Variants in PHAX observed in about 807,000 individuals in gnomAD.
PHAX encodes phosphorylated adapter RNA export protein.
In PHAX, 31 loss-of-function variants were observed where a neutral mutation model predicts 41.6. The ratio of observed to expected loss-of-function variants is 0.75; its 90% confidence interval spans 0.56 to 1.01. The LOEUF (loss-of-function observed/expected upper bound fraction) is 1.01. PHAX is among the 50% of genes least tolerant of loss of function. The pLI is 0.00. For missense variants in PHAX, 453 were observed against 472.9 expected, an observed-to-expected ratio of 0.96 and a Z score of 0.39; for synonymous variants, 175 against 164.9, an observed-to-expected ratio of 1.06 and a Z score of -0.47.
chr5:126,624,658 G>A lies in PHAX; in HGVS notation c.999G>A (p.Lys333=), dbSNP rs560446986. 321 of 1,613,968 alleles carry A rather than the reference G, an allele frequency of 2.0e-4. 2 individuals carry two copies. In the South Asian group the frequency reaches 2.9e-3, roughly 15 times the overall value. The change falls in exon 5 of 5, where the codon AAG becomes AAA. Residue 333 remains lysine, a synonymous_variant. Transcript: ENST00000297540. The part of the protein sequence containing the change: ...RKRRTQVLGK[K]MKQAIKSLNF... ...GGAGAACACAAGTGTTGGGGAAAAA[G>A]ATGAAACAAGCTATTAAAAGTCTAA...
chr5:126,611,559 G>T (rs1453172798), intron 3 of PHAX, among the ~76,000 whole-genome samples: 2 of 152,214 alleles, frequency 1.3e-5, no homozygotes, highest in Middle Eastern at 3.4e-3. Flanking sequence ...GCCAAGGAGG[G>T]TAGATTGCTT....
At chr5:126,605,531 A>G (rs1346674181) in intron 2 of PHAX, among the ~76,000 whole-genome samples, 1 of 151,470 alleles carries the variant, frequency 6.6e-6, no homozygotes, top group Non-Finnish European at 1.5e-5. Flanking sequence ...CTGGGACTAT[A>G]GGCATTCGCC....
At chr5:126,602,776 G>A (rs914102384) in intron 1 of PHAX, among the ~76,000 whole-genome samples, 7 of 152,054 alleles carry the variant, frequency 4.6e-5, no homozygotes, top group Admixed American at 3.3e-4. Context: ...AGGCCGAGGC[G>A]GGTGGATCAC....
chr5:126,609,004 C>CA (rs1330805552), intron 3 of PHAX, among the ~76,000 whole-genome samples: 4 of 146,568 alleles, frequency 2.7e-5, no homozygotes, highest in Non-Finnish European at 6.0e-5. Context: ...ACTTCCCTGA[C>CA]AAAAAAACAA....
chr5:126,601,308 C>T (rs1018742868), intron 1 of PHAX, among the ~76,000 whole-genome samples: 1 of 151,874 alleles, frequency 6.6e-6, no homozygotes, highest in East Asian at 1.9e-4. Flanking sequence ...GCCGTGCGAA[C>T]CCCGAACTGG....
rs577728167 is a variant in PHAX, at chr5:126,601,094, G to A, written c.96+36G>A. On this transcript the variant is annotated intron_variant, in intron 1 of 4. Coordinates refer to ENST00000297540, the MANE Select transcript of PHAX (RefSeq NM_032177.4). ...AAGGAGGGTGGGTGATCGTGGCTGGGCGCGCGGAGCCTGGGCCCCGGGGAG... is the reference window on the plus strand; with the variant it reads ...AAGGAGGGTGGGTGATCGTGGCTGGACGCGCGGAGCCTGGGCCCCGGGGAG... The A allele has an allele frequency of 7.8e-5, 117 of 1,500,032 alleles. No individual in the cohort carries two copies. The Middle Eastern group carries it at 1.4e-3, about 18-fold the overall frequency. The allele number at this position is 1,500,032 out of a possible 1,614,324, so 92.9% of individuals were successfully genotyped here. A position where few individuals can be genotyped will look rare whatever the true frequency, so the allele number is the denominator to read the frequency against.
In PHAX at chr5:126,624,755, G is replaced by C; in HGVS notation, c.1096G>C (p.Asp366His). The change falls in exon 5 of 5, where the codon GAT becomes CAT. Residue 366 changes from aspartate (D) to histidine (H), a missense_variant. Transcript: ENST00000297540. ...SDTNEALASL[D>H]ESQEGHAEAK... is the part of the protein sequence containing the mutation. ...CACGAATGAGGCCTTGGCCTCTCTTGATGAGTCACAGGAAGGACATGCAGA... is the reference window on the plus strand; with the variant it reads ...CACGAATGAGGCCTTGGCCTCTCTTCATGAGTCACAGGAAGGACATGCAGA... The C allele has an allele frequency of 6.2e-7, 1 of 1,614,184 alleles. No homozygotes were observed. Among genetic ancestry groups the C allele is most frequent in the Non-Finnish European group, 8.5e-7 (1 of 1,180,012 alleles).
intron 1 of PHAX, among the ~76,000 whole-genome samples, chr5:126,603,308 A>G (rs1277270287): frequency 1.3e-5 from 2 of 152,230 alleles, no homozygotes; most frequent in Non-Finnish European, 1.5e-5. Context: ...AATCTTTTAA[A>G]GGTGACAAGA....
At chr5:126,611,260 A>G (rs1277635140) in intron 3 of PHAX, among the ~76,000 whole-genome samples, 1 of 151,910 alleles carries the variant, frequency 6.6e-6, no homozygotes. Context: ...CTCCATGTTG[A>G]GCAGGCTGGT....
chr5:126,608,545 A>G, intron 3 of PHAX, 61 bp downstream of exon 3: 1 of 332,812 alleles, frequency 3.0e-6, no homozygotes, highest in Non-Finnish European at 5.3e-6. Context: ...GTTTTTGATT[A>G]CAAATTTAAC....
intron 1 of PHAX, among the ~76,000 whole-genome samples, chr5:126,601,383 C>T (rs1751900804): frequency 6.6e-6 from 1 of 152,326 alleles, no homozygotes; most frequent in East Asian, 1.9e-4. Context: ...GCGGCGGCCT[C>T]TTAGACGTCT....
chr5:126,624,774 A>T lies in PHAX; in HGVS notation c.1115A>T (p.His372Leu). 1.2e-6 allele frequency: 2 copies of T among 1,613,858 alleles called. No homozygotes were observed. Among genetic ancestry groups the T allele is most frequent in the East Asian group, 4.5e-5 (2 of 44,874 alleles). Residue 372 changes from histidine (H) to leucine (L), a missense_variant, in exon 5 of 5, where the codon CAT (histidine) becomes CTT (leucine). Physicochemically the swap from His to Leu is moderately conservative, Grantham distance 99 (BLOSUM62 -3). Coordinates refer to ENST00000297540, the MANE Select transcript of PHAX (RefSeq NM_032177.4). ...TCTCTTGATGAGTCACAGGAAGGAC[A>T]TGCAGAAGCCAAGTTGGAGGCAGAG... ...LASLDESQEG[H>L]AEAKLEAEEA...
At chr5:126,619,289 A>T (rs1315750300) in intron 4 of PHAX, among the ~76,000 whole-genome samples, 1 of 151,440 alleles carries the variant, frequency 6.6e-6, no homozygotes, top group Non-Finnish European at 1.5e-5. Flanking sequence ...AGAGTTAAAG[A>T]TGGTTAGGTC....
At chr5:126,612,515 G>T (rs1407248165) in intron 3 of PHAX, among the ~76,000 whole-genome samples, 2 of 152,046 alleles carry the variant, frequency 1.3e-5, no homozygotes, top group East Asian at 3.9e-4. Flanking sequence ...CCTGACTAAT[G>T]TGGAGAAACC....
chr5:126,614,019 C>T (rs567422494), intron 3 of PHAX, among the ~76,000 whole-genome samples: 2 of 151,296 alleles, frequency 1.3e-5, no homozygotes, highest in African/African-American at 4.8e-5. Flanking sequence ...CTCAAGCAAT[C>T]CATCTGCCTC....
At chr5:126,618,497 G>A (rs1035533411) in intron 4 of PHAX, among the ~76,000 whole-genome samples, 1 of 151,842 alleles carries the variant, frequency 6.6e-6, no homozygotes, top group Non-Finnish European at 1.5e-5. Context: ...TCAATATCTA[G>A]ACCTTATTCC....
chr5:126,616,549 T>C (rs1428979283), intron 3 of PHAX, among the ~76,000 whole-genome samples: 10 of 152,154 alleles, frequency 6.6e-5, no homozygotes, highest in Non-Finnish European at 1.5e-4. Flanking sequence ...CCATACTGTT[T>C]TAATTATTTA....
intron 3 of PHAX, among the ~76,000 whole-genome samples, chr5:126,612,658 G>A (rs1412352582): frequency 1.3e-5 from 2 of 152,100 alleles, no homozygotes; most frequent in African/African-American, 2.4e-5. Flanking sequence ...CCGGGATTGC[G>A]CCATTGGACT....
intron 1 of PHAX, 43 bp downstream of exon 1, chr5:126,601,101 G>C: frequency 6.9e-7 from 1 of 1,441,814 alleles, no homozygotes; most frequent in Non-Finnish European, 9.6e-7. Context: ...TGGGCGCGCG[G>C]AGCCTGGGCC....
Sources: gnomAD v4.1 joint callset for allele counts (sites outside exome capture counted in the v4.1 genomes callset) on GRCh38, gnomAD v4.1.1 for gene constraint, MANE v1.5 for transcripts, NCBI Gene and HGNC (gene_info 2026-07-23, HGNC 2026-07-21) for gene names.